MAP4K3: variants seen among roughly 807,000 people sequenced by gnomAD.
MAP4K3 encodes the protein mitogen-activated protein kinase kinase kinase kinase 3, also known as MAPK/ERK kinase kinase kinase 3.
In MAP4K3, 94 loss-of-function variants were observed where a neutral mutation model predicts 143.5. That is an observed-to-expected ratio of 0.65 (90% confidence interval 0.55 to 0.78). MAP4K3 has a LOEUF of 0.78. Ranked by LOEUF, MAP4K3 falls within the 30% of genes least tolerant of loss-of-function variation. MAP4K3 has a pLI of 0.00. For synonymous variants in MAP4K3, 416 were observed against 347.2 expected (o/e 1.20, Z -2.20); for missense variants, 1,077 against 1,068.1 (o/e 1.01, Z -0.12).
In MAP4K3 at chr2:39,437,139, G is replaced by A; in HGVS notation, c.-152C>T. 3 of 470,212 alleles carry A rather than the reference G, an allele frequency of 6.4e-6. No homozygotes were observed. Among genetic ancestry groups the A allele is most frequent in the Non-Finnish European group, 3.6e-6 (1 of 278,130 alleles). The allele number at this position is 470,212 out of a possible 1,614,324, so 29.1% of individuals were successfully genotyped here. The stretch of plus-strand genomic sequence containing the variant: ...CGCTGCGGCCGCCGCCGCCGCCGCC[G>A]CTCCCCTCACGCCGCTGCGGACGAC... On this transcript the variant is annotated 5_prime_UTR_variant, in exon 1 of 34. Transcript: ENST00000263881.
chr2:39,289,311 T>C (rs1013428354), intron 19 of MAP4K3, among the ~76,000 whole-genome samples: 1 of 152,194 alleles, frequency 6.6e-6, no homozygotes, highest in Non-Finnish European at 1.5e-5. Context: ...ATTTTCTCAA[T>C]TGTATAAAAT....
rs1217809146 is a variant in MAP4K3, at chr2:39,326,233, T to C, written c.575A>G (p.Asn192Ser). The change falls in exon 9 of 34, where the codon AAT becomes AGT. Residue 192 changes from asparagine to serine, a missense_variant. Asn to Ser is a conservative substitution (Grantham distance 46). This residue lies in a region of MAP4K3 where 213 missense variants were observed against 266.8 expected (regional missense o/e 0.80). Transcript: ENST00000263881. ...CACTGCCCAGAGATCACAGAGTTGA[T>C]TGTAACCCCCCTTCCTCTCAACAGC... Reference protein sequence around the residue: ...VAAVERKGGYNQLCDLWAVGI... With the variant: ...VAAVERKGGYSQLCDLWAVGI... 32 of 1,613,838 alleles carry C rather than the reference T, an allele frequency of 2.0e-5. No individual in the cohort carries two copies. Among genetic ancestry groups the C allele is most frequent in the Non-Finnish European group, 2.7e-5 (32 of 1,179,914 alleles).
At chr2:39,274,950 CCT>C (rs1220887350) in intron 24 of MAP4K3, among the ~76,000 whole-genome samples, 1 of 152,146 alleles carries the variant, frequency 6.6e-6, no homozygotes, top group Non-Finnish European at 1.5e-5. Context: ...CTCACGCCAC[CCT>C]GTTTCCTATA....
At chr2:39,276,044 T>G (rs1681236264) in intron 24 of MAP4K3, among the ~76,000 whole-genome samples, 1 of 152,116 alleles carries the variant, frequency 6.6e-6, no homozygotes, top group Admixed American at 6.5e-5. Flanking sequence ...GGCTAATTTT[T>G]GTATTTTTAA....
At position 39,429,380 on chromosome 2, in the gene MAP4K3, C is replaced by T. The variant is rs555008338; in HGVS notation, c.96+7512G>A. 3.9e-5 allele frequency among the ~76,000 whole-genome samples: 6 copies of T among 152,214 alleles called. No homozygotes were observed. The South Asian group carries it at 1.2e-3, about 32-fold the overall frequency. On this transcript the variant is annotated intron_variant, in intron 1 of 33. Coordinates refer to ENST00000263881, the MANE Select transcript of MAP4K3 (RefSeq NM_003618.4). ...TCAGAAGACTCAATGTTTTTAAGAT[C>T]TCAATTCTCCACTAACTGAGTGACA...
rs182663589 is a variant in MAP4K3, at chr2:39,286,822, C to T, written c.1587+30G>A. On this transcript the variant is annotated intron_variant, in intron 21 of 33. Coordinates refer to ENST00000263881, the MANE Select transcript of MAP4K3 (RefSeq NM_003618.4). ...TTAACAGTTAAAAAGGAAACAAATA[C>T]AAGTAGAACTTATGACTATCAATAC... is the stretch of plus-strand genomic sequence containing the variant. The T allele has an allele frequency of 3.6e-5, 51 of 1,426,950 alleles. No individual in the cohort carries two copies. In the East Asian group the frequency reaches 4.6e-4, roughly 13 times the overall value. The allele number at this position is 1,426,950 out of a possible 1,614,324, so 88.4% of individuals were successfully genotyped here.
At chr2:39,384,726 G>C (rs11898705) in intron 1 of MAP4K3, among the ~76,000 whole-genome samples, 1 of 152,158 alleles carries the variant, frequency 6.6e-6, no homozygotes, top group South Asian at 2.1e-4. Context: ...AATTGTACGT[G>C]TGTACAAAAT....
At chr2:39,268,634 A>ATTTTTTTCTTTTTTTTTT (rs1680878175) in intron 26 of MAP4K3, among the ~76,000 whole-genome samples, 1 of 73,772 alleles carries the variant, frequency 1.4e-5, no homozygotes, top group Non-Finnish European at 2.4e-5. Flanking sequence ...GATTTTTTCT[A>ATTTTTTTCTTTTTTTTTT]TTTTTTTTTT....
At chr2:39,371,037 A>C (rs934692273) in intron 2 of MAP4K3, among the ~76,000 whole-genome samples, 14 of 152,136 alleles carry the variant, frequency 9.2e-5, no homozygotes. Flanking sequence ...TTCCCAAATA[A>C]GTCTCAAGAA....
At chr2:39,251,072 G>A (rs1680139336) in intron 33 of MAP4K3, among the ~76,000 whole-genome samples, 2 of 152,230 alleles carry the variant, frequency 1.3e-5, no homozygotes, top group African/African-American at 4.8e-5. Flanking sequence ...CACAATGGAT[G>A]AATAACGTAC....
In MAP4K3 at chr2:39,355,359, C is replaced by CAAA. The variant is rs34355105; in HGVS notation, c.245+887_245+889dup. Among the ~76,000 whole-genome samples the CAAA allele has an allele frequency of 7.0e-3, 240 of 34,438 alleles. 12 individuals are homozygous for CAAA. Among genetic ancestry groups the CAAA allele is most frequent in the African/African-American group, 0.023 (184 of 8,068 alleles). The allele number at this position is 34,438 out of a possible 152,430, so 22.6% of individuals were successfully genotyped here. ...CTAGTGACAGAGCAAGACTCCACCT[C>CAAA]AAAAAAAAAAAAAAAAAAAAAAAAG... On this transcript the variant is annotated intron_variant, in intron 3 of 33. Transcript: ENST00000263881.
At chr2:39,271,710 G>T (rs1255591193) in intron 26 of MAP4K3, among the ~76,000 whole-genome samples, 1 of 152,142 alleles carries the variant, frequency 6.6e-6, no homozygotes, top group Non-Finnish European at 1.5e-5. Context: ...TCCCACTTCA[G>T]CCTCCTGAGT....
Position 39,377,201 on chromosome 2 carries a change from C to CTTTTTTTTTTTTTTTTT in MAP4K3, c.154+864_154+865insAAAAAAAAAAAAAAAAA. On this transcript the variant is annotated intron_variant, in intron 2 of 33. Coordinates refer to ENST00000263881, the MANE Select transcript of MAP4K3 (RefSeq NM_003618.4). ...AAGTCTAAAGTATTGGCTATTTGGC[C>CTTTTTTTTTTTTTTTTT]TTTTTTTTTTTTTTAAACAGAAAAA... Among the ~76,000 whole-genome samples, 2 of 110,586 alleles carry CTTTTTTTTTTTTTTTTT rather than the reference C, an allele frequency of 1.8e-5. 1 individual carries two copies. Among genetic ancestry groups the CTTTTTTTTTTTTTTTTT allele is most frequent in the Non-Finnish European group, 3.7e-5 (2 of 53,640 alleles). The allele number at this position is 110,586 out of a possible 152,430, so 72.5% of individuals were successfully genotyped here.
At chr2:39,289,753 T>C (rs1031777284) in intron 19 of MAP4K3, among the ~76,000 whole-genome samples, 1 of 152,206 alleles carries the variant, frequency 6.6e-6, no homozygotes, top group African/African-American at 2.4e-5. Flanking sequence ...AATACAATCA[T>C]TTTCAGTGTA....
rs117946124 is a variant in MAP4K3, at chr2:39,384,134, T to C, written c.97-6011A>G. 2.4e-3 allele frequency among the ~76,000 whole-genome samples: 359 copies of C among 151,154 alleles called. 10 individuals are homozygous for C. In the East Asian group the frequency reaches 0.062, roughly 26 times the overall value. ...TATTAAAAAAAAAAAAAAAATTCAA[T>C]GGCAGAGTTGAGTAGCTAAGACAGA... is the stretch of plus-strand genomic sequence containing the variant. On this transcript the variant is annotated intron_variant, in intron 1 of 33. Transcript: ENST00000263881.
intron 16 of MAP4K3, among the ~76,000 whole-genome samples, chr2:39,295,774 A>G (rs1310876395): frequency 7.4e-6 from 1 of 134,772 alleles, no homozygotes; most frequent in African/African-American, 2.9e-5. Context: ...TCTGGAGTGC[A>G]GTGGCGTGAT....
In MAP4K3 at chr2:39,296,945, C is replaced by G. The variant is rs1266637343; in HGVS notation, c.1178+2798G>C. ...CTAGCAATAATAGAGGTAAATTTCTCAAAGTCATGTAGCTTATAGGAAAAG... is the reference window on the plus strand; with the variant it reads ...CTAGCAATAATAGAGGTAAATTTCTGAAAGTCATGTAGCTTATAGGAAAAG... On this transcript the variant is annotated intron_variant, in intron 16 of 33. Transcript: ENST00000263881. 4.6e-5 allele frequency among the ~76,000 whole-genome samples: 7 copies of G among 152,250 alleles called. No individual in the cohort carries two copies. In the East Asian group the frequency reaches 1.2e-3, roughly 25 times the overall value.
intron 3 of MAP4K3, among the ~76,000 whole-genome samples, chr2:39,346,449 T>C (rs1361104374): frequency 2.0e-5 from 3 of 152,378 alleles, no homozygotes; most frequent in African/African-American, 2.4e-5. Context: ...TTTTGATTCA[T>C]TTCCCTTTGT....
chr2:39,352,804 G>A (rs1331652244), intron 3 of MAP4K3, among the ~76,000 whole-genome samples: 3 of 152,012 alleles, frequency 2.0e-5, no homozygotes, highest in Non-Finnish European at 2.9e-5. Flanking sequence ...AAATTCATAG[G>A]GTAAATCTGA....
Sources: allele counts gnomAD v4.1 joint callset (sites outside exome capture counted in the v4.1 genomes callset), GRCh38; gene constraint gnomAD v4.1.1; regional missense constraint gnomAD v4.1.1; transcripts MANE v1.5; gene names NCBI Gene and HGNC (gene_info 2026-07-23, HGNC 2026-07-21).